NEDD9: variants seen among roughly 807,000 people sequenced by gnomAD.
NEDD9 encodes enhancer of filamentation 1.
In NEDD9, 26 loss-of-function variants were observed where a neutral mutation model predicts 76.6. The observed-to-expected ratio is 0.34, with a 90% CI of 0.25 to 0.47. The LOEUF (loss-of-function observed/expected upper bound fraction) is 0.47. Ranked by LOEUF, NEDD9 falls within the 20% of genes least tolerant of loss-of-function variation. The pLI is 1.00. For synonymous variants in NEDD9, 392 were observed against 414.2 expected, an observed-to-expected ratio of 0.95 and a Z score of 0.65; for missense variants, 937 against 1,058.5, an observed-to-expected ratio of 0.89 and a Z score of 1.59.
chr6:11,280,221 G>A (rs1288487892), intron 3 of NEDD9, among the ~76,000 whole-genome samples: 1 of 152,182 alleles, frequency 6.6e-6, no homozygotes, highest in African/African-American at 2.4e-5. Context: ...ACATGCCAAG[G>A]GGAAGATGTA....
chr6:11,259,624 A>G (rs1760067603), intron 3 of NEDD9, among the ~76,000 whole-genome samples: 1 of 152,242 alleles, frequency 6.6e-6, no homozygotes, highest in Admixed American at 6.5e-5. Flanking sequence ...GAAGCAAAAG[A>G]AAAAACCACC....
intron 3 of NEDD9, among the ~76,000 whole-genome samples, chr6:11,259,525 A>G (rs1487466106): frequency 6.6e-6 from 1 of 152,240 alleles, no homozygotes; most frequent in Non-Finnish European, 1.5e-5. Context: ...AGTATGTGTA[A>G]TAATTTAATC....
intron 2 of NEDD9, among the ~76,000 whole-genome samples, chr6:11,324,400 A>G (rs1761878260): frequency 6.6e-6 from 1 of 151,754 alleles, no homozygotes; most frequent in Non-Finnish European, 1.5e-5. Context: ...TTCTCAGTGC[A>G]CCGCCCGATC....
chr6:11,218,966 G>T (rs2113768047), intron 1 of NEDD9, among the ~76,000 whole-genome samples: 1 of 152,250 alleles, frequency 6.6e-6, no homozygotes. Context: ...TAAACACAAT[G>T]GTCTCTTTTA....
chr6:11,310,247 C>T (rs73362871), intron 2 of NEDD9, among the ~76,000 whole-genome samples: 2,658 of 152,252 alleles, frequency 0.017, 80 homozygotes, highest in African/African-American at 0.061. Context: ...CCATGCGCTC[C>T]GAAAGCAAGG....
chr6:11,319,152 G>A (rs1323409993), intron 2 of NEDD9, among the ~76,000 whole-genome samples: 1 of 152,192 alleles, frequency 6.6e-6, no homozygotes, highest in Admixed American at 6.5e-5. Flanking sequence ...GATTCCCCTG[G>A]CTCTTCTGCC....
chr6:11,366,435 A>C (rs922974205), intron 1 of NEDD9, among the ~76,000 whole-genome samples: 3 of 151,728 alleles, frequency 2.0e-5, no homozygotes, highest in African/African-American at 7.3e-5. Flanking sequence ...GAAAGGAAGA[A>C]AGAAAGAAAA....
At chr6:11,350,404 A>G (rs943946123) in intron 1 of NEDD9, among the ~76,000 whole-genome samples, 3 of 152,192 alleles carry the variant, frequency 2.0e-5, no homozygotes, top group Non-Finnish European at 4.4e-5. Context: ...TCACCATTAC[A>G]TAACTCATTA....
At chr6:11,310,639 T>A (rs1761337616) in intron 2 of NEDD9, among the ~76,000 whole-genome samples, 1 of 152,210 alleles carries the variant, frequency 6.6e-6, no homozygotes, top group South Asian at 2.1e-4. Flanking sequence ...GAGTAGATTA[T>A]CTTCTGCAAT....
chr6:11,291,272 T>TTTTTTTTTTTTTTTG lies in NEDD9; in HGVS notation c.12+14719_12+14720insCAAAAAAAAAAAAAA, dbSNP rs1561818262. 5.4e-4 allele frequency among the ~76,000 whole-genome samples: 75 copies of TTTTTTTTTTTTTTTG among 138,370 alleles called. 3 individuals carry two copies. Among genetic ancestry groups the TTTTTTTTTTTTTTTG allele is most frequent in the African/African-American group, 2.0e-3 (69 of 34,436 alleles). The allele number at this position is 138,370 out of a possible 152,430, so 90.8% of individuals were successfully genotyped here. On this transcript the variant is annotated intron_variant, in intron 3 of 3. Transcript: ENST00000397378. ...CAGGGCAGAAATAGAATGAGGTTTT[T>TTTTTTTTTTTTTTTG]TTTTTTTTTTTTTTTTTTTTGAGAC...
intron 2 of NEDD9, among the ~76,000 whole-genome samples, chr6:11,326,253 C>T (rs1761926001): frequency 6.6e-6 from 1 of 152,084 alleles, no homozygotes; most frequent in South Asian, 2.1e-4. Flanking sequence ...TTTAGCTCTG[C>T]TGTGAGTTCA....
chr6:11,291,730 G>A (rs1174345339), intron 3 of NEDD9, among the ~76,000 whole-genome samples: 1 of 152,126 alleles, frequency 6.6e-6, no homozygotes, highest in Non-Finnish European at 1.5e-5. Context: ...TCAGTGTAAC[G>A]GTGCCTCTGT....
chr6:11,315,374 CTG>C (rs1387867849), intron 2 of NEDD9, among the ~76,000 whole-genome samples: 2 of 152,230 alleles, frequency 1.3e-5, no homozygotes, highest in Non-Finnish European at 2.9e-5. Context: ...GCAGGAAAGA[CTG>C]TGTTCTTCAG....
intron 2 of NEDD9, among the ~76,000 whole-genome samples, chr6:11,203,157 C>A (rs888604099): frequency 1.3e-5 from 2 of 152,226 alleles, no homozygotes; most frequent in Admixed American, 1.3e-4. Flanking sequence ...GAAATGACGT[C>A]TGGGTTTCAC....
chr6:11,296,890 G>A (rs576799182), intron 3 of NEDD9, among the ~76,000 whole-genome samples: 7 of 152,086 alleles, frequency 4.6e-5, no homozygotes, highest in Non-Finnish European at 4.4e-5. Context: ...CACCATGCCC[G>A]GCTAATTTTT....
chr6:11,214,144 G>T, intron 1 of NEDD9: 1 of 512,992 alleles, frequency 1.9e-6, no homozygotes, highest in South Asian at 1.4e-5. Flanking sequence ...GTTCTATATT[G>T]GAGGTGAAAA....
intron 2 of NEDD9, among the ~76,000 whole-genome samples, chr6:11,310,787 C>T (rs575179161): frequency 3.3e-5 from 5 of 152,290 alleles, no homozygotes; most frequent in Admixed American, 1.3e-4. Flanking sequence ...ATCTTAAACC[C>T]TGCTGTTAAC....
At chr6:11,232,371 C>T (rs1759499278) in intron 1 of NEDD9, 133 bp downstream of exon 1, 1 of 1,111,308 alleles carries the variant, frequency 9.0e-7, no homozygotes, top group African/African-American at 1.5e-5. Flanking sequence ...ATGTCAACCT[C>T]AGTGACCGAG....
At chr6:11,256,185 G>T (rs1760003321) in intron 3 of NEDD9, among the ~76,000 whole-genome samples, 1 of 152,164 alleles carries the variant, frequency 6.6e-6, no homozygotes, top group Admixed American at 6.5e-5. Flanking sequence ...GGGAATGTAG[G>T]CAGATTCACA....
Sources: gnomAD v4.1 joint callset for allele counts (sites outside exome capture counted in the v4.1 genomes callset) on GRCh38, gnomAD v4.1.1 for gene constraint, MANE v1.5 for transcripts, NCBI Gene and HGNC (gene_info 2026-07-23, HGNC 2026-07-21) for gene names.